WDPCP: variants seen among roughly 807,000 people sequenced by gnomAD.
WDPCP encodes the protein WD repeat-containing and planar cell polarity effector protein fritz homolog.
A neutral mutation model predicts 93.1 loss-of-function variants in WDPCP; 71 were observed. That is an observed-to-expected ratio of 0.76 (90% CI 0.63 to 0.93). WDPCP has a LOEUF of 0.93. WDPCP is among the 40% of genes least tolerant of loss of function. WDPCP has a pLI of 0.00. For synonymous variants in WDPCP, 315 were observed against 315.0 expected (o/e 1.00, Z 0.00); for missense variants, 844 against 887.4 (o/e 0.95, Z 0.62).
intron 10 of WDPCP, among the ~76,000 whole-genome samples, chr2:63,387,410 G>T (rs114962139): frequency 0.015 from 2,349 of 151,664 alleles, 63 homozygotes; most frequent in African/African-American, 0.054. Flanking sequence ...ACACAGAAAA[G>T]GCTTTCAATA....
chr2:63,416,634 A>G (rs1330341598), intron 9 of WDPCP, among the ~76,000 whole-genome samples: 1 of 144,368 alleles, frequency 6.9e-6, no homozygotes, highest in Middle Eastern at 4.5e-3. Context: ...AACGATTCTC[A>G]TGCCTCAGCC....
At chr2:63,722,331 T>C (rs1194503594) in intron 2 of WDPCP, among the ~76,000 whole-genome samples, 1 of 147,260 alleles carries the variant, frequency 6.8e-6, no homozygotes, top group East Asian at 2.0e-4. Flanking sequence ...GAGGAGCGTC[T>C]CTGCCCGGCC....
intron 12 of WDPCP, among the ~76,000 whole-genome samples, chr2:63,373,648 C>T (rs2104806209): frequency 6.7e-6 from 1 of 150,374 alleles, no homozygotes. Context: ...GTTTTTGATT[C>T]ATTGCTAGTA....
At chr2:63,828,976 A>T (rs1014594877), upstream of WDPCP, among the ~76,000 whole-genome samples, 2 of 152,188 alleles carry the variant, frequency 1.3e-5, no homozygotes, top group African/African-American at 4.8e-5. Flanking sequence ...TGTGTTATAA[A>T]AGCTTATAAA....
intron 2 of WDPCP, among the ~76,000 whole-genome samples, chr2:63,796,893 C>G (rs146777172): frequency 0.012 from 1,854 of 152,272 alleles, 17 homozygotes; most frequent in Non-Finnish European, 0.015. Context: ...TGCACCACCC[C>G]TCTCCCAACC....
chr2:63,427,742 C>G (rs943661782), intron 9 of WDPCP, among the ~76,000 whole-genome samples: 2 of 151,944 alleles, frequency 1.3e-5, no homozygotes, highest in Non-Finnish European at 2.9e-5. Flanking sequence ...GAGAACAGAA[C>G]AAAATTGAAA....
intron 2 of WDPCP, among the ~76,000 whole-genome samples, chr2:63,758,107 T>A (rs556246185): frequency 6.6e-6 from 1 of 152,136 alleles, no homozygotes; most frequent in Non-Finnish European, 1.5e-5. Flanking sequence ...TTTTTTTTTT[T>A]TATAACCAAC....
intron 12 of WDPCP, among the ~76,000 whole-genome samples, chr2:63,317,100 C>G (rs1389357851): frequency 6.6e-6 from 1 of 151,970 alleles, no homozygotes; most frequent in Non-Finnish European, 1.5e-5. Flanking sequence ...GAATCAATAC[C>G]GTTAAAATGG....
chr2:63,495,738 T>C (rs1215018051), intron 1 of WDPCP, among the ~76,000 whole-genome samples: 5 of 152,170 alleles, frequency 3.3e-5, no homozygotes, highest in African/African-American at 1.2e-4. Flanking sequence ...ACCTTAACAC[T>C]GCAGTTGCTG....
chr2:63,565,041 G>T (rs2106435792), intron 1 of WDPCP, among the ~76,000 whole-genome samples: 1 of 152,310 alleles, frequency 6.6e-6, no homozygotes, highest in East Asian at 1.9e-4. Flanking sequence ...CTCCAAAGGT[G>T]CTGGGATTAC....
chr2:63,268,446 A>G (rs1682343215), intron 13 of WDPCP, among the ~76,000 whole-genome samples: 3 of 152,022 alleles, frequency 2.0e-5, no homozygotes, highest in African/African-American at 4.8e-5. Context: ...GTATATTTCA[A>G]AATAGATTTT....
At chr2:63,601,174 C>G (rs949671960) in intron 3 of WDPCP, among the ~76,000 whole-genome samples, 1 of 152,206 alleles carries the variant, frequency 6.6e-6, no homozygotes, top group African/African-American at 2.4e-5. Context: ...GCATGTCAAT[C>G]TGGCATAGTG....
chr2:63,121,859 G>C lies in WDPCP; in HGVS notation c.*147C>G. 1 of 1,425,238 alleles carries C rather than the reference G, an allele frequency of 7.0e-7. No individual in the cohort carries two copies. The highest frequency in any genetic ancestry group is 9.2e-7 in the Non-Finnish European group (1 of 1,083,880). The allele number at this position is 1,425,238 out of a possible 1,614,324, so 88.3% of individuals were successfully genotyped here. On this transcript the variant is annotated 3_prime_UTR_variant, in exon 18 of 18. Transcript: ENST00000272321. ...TTTTGAAATAATAAAACTTTATTTT[G>C]AAAACAAACACTCAACTCAAAACTC...
intron 6 of WDPCP, among the ~76,000 whole-genome samples, chr2:63,474,466 A>G (rs1158489595): frequency 6.6e-6 from 1 of 152,124 alleles, no homozygotes; most frequent in African/African-American, 2.4e-5. Context: ...CCAATTGGCA[A>G]TTGTACACTC....
chr2:63,303,354 G>C (rs570816742), intron 13 of WDPCP, among the ~76,000 whole-genome samples: 2 of 152,106 alleles, frequency 1.3e-5, no homozygotes, highest in South Asian at 4.1e-4. Context: ...CAGCTGCTCT[G>C]GTGTGGTAGG....
At chr2:63,395,588 G>C (rs13383251) in intron 10 of WDPCP, among the ~76,000 whole-genome samples, 1 of 151,972 alleles carries the variant, frequency 6.6e-6, no homozygotes, top group Non-Finnish European at 1.5e-5. Context: ...AATGGAAAGC[G>C]TATCAATGCT....
intron 3 of WDPCP, chr2:63,594,721 A>G (rs1490355959): frequency 1.5e-6 from 1 of 649,446 alleles, no homozygotes; most frequent in Admixed American, 2.8e-5. Context: ...GCACATTGCT[A>G]TAAATGGAAG....
At chr2:63,163,298 T>G (rs1672752597) in intron 15 of WDPCP, among the ~76,000 whole-genome samples, 1 of 152,182 alleles carries the variant, frequency 6.6e-6, no homozygotes, top group African/African-American at 2.4e-5. Flanking sequence ...ACCCTTTCAT[T>G]TTTATGTTTT....
At chr2:63,645,277 C>CAT (rs1710034538) in intron 3 of WDPCP, among the ~76,000 whole-genome samples, 1 of 152,156 alleles carries the variant, frequency 6.6e-6, no homozygotes, top group African/African-American at 2.4e-5. Context: ...CACTCAGGAG[C>CAT]ATATTATTTA....
Sources: gnomAD v4.1 joint callset for allele counts (sites outside exome capture counted in the v4.1 genomes callset) on GRCh38, gnomAD v4.1.1 for gene constraint, MANE v1.5 for transcripts, NCBI Gene and HGNC (gene_info 2026-07-23, HGNC 2026-07-21) for gene names.